MAPK6: variants seen among roughly 807,000 people sequenced by gnomAD.
MAPK6 encodes the protein mitogen-activated protein kinase 6, also known as ERK-3.
Under a neutral mutation model 59.3 loss-of-function variants are expected in MAPK6, and 19 were observed. The ratio of observed to expected loss-of-function variants is 0.32; its 90% confidence interval spans 0.22 to 0.47. The LOEUF is 0.47. Among genes scored for constraint, MAPK6 ranks in the 20% least tolerant of loss-of-function variants. The probability of loss-of-function intolerance (pLI) is 1.00; values close to 1 mark genes in which losing one functional copy is unlikely to be tolerated. For synonymous variants in MAPK6, 316 were observed against 290.3 expected (o/e 1.09, Z -0.90); for missense variants, 724 against 847.9 (o/e 0.85, Z 1.81).
At chr15:52,030,820 C>T in intron 1 of MAPK6, among the ~76,000 whole-genome samples, 1 of 146,766 alleles carries the variant, frequency 6.8e-6, no homozygotes, top group Non-Finnish European at 1.5e-5. Context: ...GAGACAGGCT[C>T]TCAGTCTGTT....
At chr15:52,016,070 G>GCGCGCGCGCGCACACACA, upstream of MAPK6, among the ~76,000 whole-genome samples, 65 of 55,436 alleles carry the variant, frequency 1.2e-3, no homozygotes, top group Non-Finnish European at 1.8e-3. Context: ...GCGCGCGCGC[G>GCGCGCGCGCGCACACACA]CACACACACA....
At chr15:51,994,481 C>G (rs1264763399) in intron 2 of MAPK6, among the ~76,000 whole-genome samples, 1 of 152,082 alleles carries the variant, frequency 6.6e-6, no homozygotes, top group East Asian at 1.9e-4. Flanking sequence ...ATGATTATCA[C>G]TGTGGTAAGC....
At chr15:52,022,316 A>G (rs1162392647) in intron 1 of MAPK6, among the ~76,000 whole-genome samples, 2 of 152,170 alleles carry the variant, frequency 1.3e-5, no homozygotes, top group African/African-American at 4.8e-5. Context: ...GCTGGAGTGT[A>G]GTGGTGCGAT....
At chr15:52,016,646 G>T (rs934573790), upstream of MAPK6, among the ~76,000 whole-genome samples, 1 of 151,924 alleles carries the variant, frequency 6.6e-6, no homozygotes, top group Non-Finnish European at 1.5e-5. Flanking sequence ...ATCCCTTTAG[G>T]CTCTCTTCAA....
intron 3 of MAPK6, among the ~76,000 whole-genome samples, chr15:52,013,363 G>T (rs956454003): frequency 6.6e-6 from 1 of 151,896 alleles, no homozygotes; most frequent in South Asian, 2.1e-4. Flanking sequence ...ACATTTTCCA[G>T]GGTTTACCAT....
At chr15:52,043,851 C>G (rs1368155268) in intron 1 of MAPK6, among the ~76,000 whole-genome samples, 1 of 143,198 alleles carries the variant, frequency 7.0e-6, no homozygotes, top group East Asian at 2.2e-4. Context: ...CTCTACCTCC[C>G]TGCAACCTCT....
intron 3 of MAPK6, among the ~76,000 whole-genome samples, chr15:52,055,592 T>G (rs1243599183): frequency 2.0e-5 from 3 of 152,186 alleles, no homozygotes. Context: ...CTCAGCTAAC[T>G]GAAACCTCCT....
At chr15:51,973,719 C>T (rs1184561645) in intron 1 of MAPK6, among the ~76,000 whole-genome samples, 1 of 151,680 alleles carries the variant, frequency 6.6e-6, no homozygotes, top group Non-Finnish European at 1.5e-5. Flanking sequence ...ATGGCGTGAT[C>T]TCAGCTCACT....
chr15:51,987,154 C>G (rs902519511), intron 2 of MAPK6, among the ~76,000 whole-genome samples: 1 of 152,146 alleles, frequency 6.6e-6, no homozygotes, highest in Admixed American at 6.5e-5. Context: ...ATTTTGCATT[C>G]TAATTTTTAT....
intron 1 of MAPK6, among the ~76,000 whole-genome samples, chr15:52,040,048 C>T (rs1171808095): frequency 1.3e-5 from 2 of 152,144 alleles, no homozygotes; most frequent in African/African-American, 2.4e-5. Flanking sequence ...CTCTTATGGC[C>T]GCCCACCATA....
intron 1 of MAPK6, among the ~76,000 whole-genome samples, chr15:52,024,168 A>G (rs1304719754): frequency 6.6e-6 from 1 of 152,190 alleles, no homozygotes; most frequent in African/African-American, 2.4e-5. Flanking sequence ...ATAAAACTTT[A>G]AAATATTAGT....
intron 5 of MAPK6, among the ~76,000 whole-genome samples, chr15:52,062,714 G>A (rs1312365684): frequency 2.0e-5 from 3 of 152,224 alleles, no homozygotes; most frequent in East Asian, 1.9e-4. Context: ...GCAGTGAGCC[G>A]AGATTGCACC....
chr15:52,043,358 C>G lies in MAPK6; in HGVS notation c.-631-2472C>G, dbSNP rs927765511. Among the ~76,000 whole-genome samples the G allele has an allele frequency of 4.8e-4, 73 of 152,074 alleles. 1 individual carries two copies. Among genetic ancestry groups the G allele is most frequent in the Middle Eastern group, 3.4e-3 (1 of 294 alleles). On this transcript the variant is annotated intron_variant, in intron 1 of 5. Coordinates refer to ENST00000261845, the MANE Select transcript of MAPK6 (RefSeq NM_002748.4). ...TTTTGCCCAGGCTGGAGTGCAGTGG[C>G]GTGATCTCACCTCACTGCAACCTCC...
At chr15:51,972,665 A>T (rs957823383) in intron 1 of MAPK6, among the ~76,000 whole-genome samples, 36 of 148,420 alleles carry the variant, frequency 2.4e-4, no homozygotes, top group African/African-American at 8.8e-4. Context: ...CTACTAAAAT[A>T]AAAAAAATTA....
At chr15:51,998,996 T>TG (rs1204866548) in intron 2 of MAPK6, among the ~76,000 whole-genome samples, 1 of 145,800 alleles carries the variant, frequency 6.9e-6, no homozygotes, top group East Asian at 2.0e-4. Flanking sequence ...GGCCTTTTTT[T>TG]TTTGTTTTTT....
chr15:52,056,804 T>C (rs978117019), intron 3 of MAPK6: 3 of 152,090 alleles, frequency 2.0e-5, no homozygotes, highest in African/African-American at 7.3e-5. Context: ...CTCATTCTTT[T>C]TCATTCCTTT....
chr15:52,060,048 C>T, intron 4 of MAPK6, among the ~76,000 whole-genome samples: 1 of 152,070 alleles, frequency 6.6e-6, no homozygotes, highest in East Asian at 1.9e-4. Context: ...TCTATACTTA[C>T]CTCTCATCCT....
chr15:52,064,963 A>ATCAAACATACAGCAGCATTC lies in MAPK6; in HGVS notation c.2131_2150dup (p.Leu720ThrfsTer5), dbSNP rs2032355925. The stretch of plus-strand genomic sequence containing the variant: ...ATGAAATCTTCCCCTCAAATTCCTC[A>ATCAAACATACAGCAGCATTC]TCAAACATACAGCAGCATTCTGAAA... On this transcript the variant is annotated frameshift_variant, in exon 6 of 6. Transcript: ENST00000261845. LOFTEE classifies it high-confidence loss of function. The ATCAAACATACAGCAGCATTC allele has an allele frequency of 6.2e-7, 1 of 1,611,372 alleles. No individual in the cohort carries two copies. The highest frequency in any genetic ancestry group is 1.3e-5 in the African/African-American group (1 of 74,850).
Position 52,058,716 on chromosome 15 carries a change from G to C in MAPK6, c.784G>C (p.Val262Leu). 6.2e-7 allele frequency: 1 copy of C among 1,613,428 alleles called. No individual in the cohort carries two copies. The highest frequency in any genetic ancestry group is 8.5e-7 in the Non-Finnish European group (1 of 1,179,574). The change falls in exon 4 of 6, where the codon GTA becomes CTA. Residue 262 changes from valine (V) to leucine (L), a missense_variant. Physicochemically the swap from Val to Leu is conservative, Grantham distance 32 (BLOSUM62 1). Transcript: ENST00000261845. ...HEEDRQELLS[V>L]IPVYIRNDMT... Reference sequence around the variant, plus strand: ...GGAAGATCGTCAGGAGCTTCTCAGCGTAATTCCAGTTTACATTAGAAATGA... The same window carrying C: ...GGAAGATCGTCAGGAGCTTCTCAGCCTAATTCCAGTTTACATTAGAAATGA...
Sources: allele counts gnomAD v4.1 joint callset (sites outside exome capture counted in the v4.1 genomes callset), GRCh38; gene constraint gnomAD v4.1.1; transcripts MANE v1.5; gene names NCBI Gene and HGNC (gene_info 2026-07-23, HGNC 2026-07-21).